The following LRP4 variants were observed in gnomAD, a reference collection of about 807,000 sequenced individuals.
The protein encoded by LRP4 is LDL receptor related protein 4.
In LRP4, 95 loss-of-function variants were observed where a neutral mutation model predicts 220.3. That is an observed-to-expected ratio of 0.43 (90% CI 0.37 to 0.51). LRP4 has a LOEUF of 0.51. LRP4 is among the 20% of genes least tolerant of loss of function. The pLI, the probability that LRP4 is intolerant of heterozygous loss-of-function variation, is 0.00. For synonymous variants in LRP4, 903 were observed against 954.6 expected (o/e 0.95, Z 1.00); for missense variants, 1,925 against 2,567.0 (o/e 0.75, Z 5.40).
At chr11:46,888,548 C>CAAAAAAAAAAAAAAAAAAAAAAAAA (rs71042635) in intron 16 of LRP4, among the ~76,000 whole-genome samples, 1 of 31,312 alleles carries the variant, frequency 3.2e-5, no homozygotes, top group Non-Finnish European at 7.2e-5. Flanking sequence ...AAAACTGTCT[C>CAAAAAAAAAAAAAAAAAAAAAAAAA]AAAAAAAAAA....
intron 1 of LRP4, among the ~76,000 whole-genome samples, chr11:46,907,677 C>T (rs1371216544): frequency 6.6e-6 from 1 of 152,178 alleles, no homozygotes; most frequent in Non-Finnish European, 1.5e-5. Context: ...AGAAGGGAAA[C>T]ATCCATCTGG....
chr11:46,878,807 T>C (rs1941079721), intron 22 of LRP4, 100 bp downstream of exon 22: 1 of 1,544,496 alleles, frequency 6.5e-7, no homozygotes, highest in African/African-American at 1.4e-5. Flanking sequence ...GCAGGACTCA[T>C]GGTTTCTCAG....
intron 17 of LRP4, 34 bp from the exon 18 acceptor site, chr11:46,886,206 A>G (rs1257318379): frequency 6.2e-7 from 1 of 1,600,812 alleles, no homozygotes; most frequent in African/African-American, 1.3e-5. Flanking sequence ...CACCAACTGT[A>G]CTTCCACTCT....
Position 46,865,551 on chromosome 11 carries a change from T to C in LRP4, c.5088-365A>G, listed in dbSNP as rs555208835. On this transcript the variant is annotated intron_variant, in intron 34 of 37. Transcript: ENST00000378623. ...TGCTAGCCAAGCCAATCTGATTGGATAAAAATTATCACAAGAGCTAAATAT... is the reference window on the plus strand; with the variant it reads ...TGCTAGCCAAGCCAATCTGATTGGACAAAAATTATCACAAGAGCTAAATAT... Among the ~76,000 whole-genome samples the C allele has an allele frequency of 4.6e-5, 7 of 152,320 alleles. No homozygotes were observed. In the East Asian group the frequency reaches 9.6e-4, roughly 21 times the overall value.
intron 33 of LRP4, 88 bp downstream of exon 33, chr11:46,868,512 G>C: frequency 1.1e-6 from 1 of 951,264 alleles, no homozygotes; most frequent in Admixed American, 1.7e-5. Context: ...CCACCCAGAA[G>C]GACAGATCAG....
chr11:46,888,354 G>A (rs894666517), intron 16 of LRP4, among the ~76,000 whole-genome samples: 4 of 151,030 alleles, frequency 2.6e-5, no homozygotes, highest in African/African-American at 4.9e-5. Context: ...AGGAGTTCGA[G>A]ACCAGCCAGA....
rs1434051516 is a variant in LRP4 at position 46,886,328 on chromosome 11, C to G, written c.2421G>C (p.Gln807His). The change falls in exon 17 of 38, where the codon CAG becomes CAC. Residue 807 changes from glutamine to histidine, a missense_variant. This residue lies in a region of LRP4 where 1,244 missense variants were observed against 1,624.9 expected (regional missense o/e 0.77). Transcript: ENST00000378623. ...ISRAKWDGTG[Q>H]EVVVDTSLES... ...ACCTCCCCACGCTGGGCCCTACCTC[C>G]TGTCCTGTTCCATCCCACTTGGCCC... 1 of 1,584,920 alleles carries G rather than the reference C, an allele frequency of 6.3e-7. No homozygotes were observed.
intron 1 of LRP4, among the ~76,000 whole-genome samples, chr11:46,911,608 A>AAAAAG (rs60596634): frequency 2.9e-5 from 4 of 140,020 alleles, no homozygotes; most frequent in African/African-American, 1.1e-4. Context: ...AAATAAATAA[A>AAAAAG]TAAATAAAAA....
intron 34 of LRP4, among the ~76,000 whole-genome samples, chr11:46,866,123 C>A (rs1487152416): frequency 9.5e-5 from 14 of 147,996 alleles, no homozygotes; most frequent in African/African-American, 2.5e-4. Context: ...ATAAAGAGAC[C>A]AGTATGTTGC....
chr11:46,876,218 G>A lies in LRP4; in HGVS notation c.3536+248C>T, dbSNP rs1053995936. On this transcript the variant is annotated intron_variant, in intron 25 of 37. Transcript: ENST00000378623. ...CTGAGAATTAGAGAGGTTAAATACC[G>A]GACCCAAGTGATATAGCTAATACAT... 5.3e-5 allele frequency among the ~76,000 whole-genome samples: 8 copies of A among 152,208 alleles called. No individual in the cohort carries two copies. The East Asian group carries it at 7.7e-4, about 15-fold the overall frequency.
chr11:46,856,961 G>A lies in LRP4; in HGVS notation c.*2022C>T, dbSNP rs1281050598. The A allele has an allele frequency of 6.6e-6, 1 of 152,656 alleles. No individual in the cohort carries two copies. The highest frequency in any genetic ancestry group is 2.4e-5 in the African/African-American group (1 of 41,452). The allele number at this position is 152,656 out of a possible 1,614,324, so 9.5% of individuals were successfully genotyped here. On this transcript the variant is annotated 3_prime_UTR_variant, in exon 38 of 38. Transcript: ENST00000378623. This position sits in a 1 kb window ranked among gnomAD's most constrained non-coding sequence, Gnocchi z 4.1. The stretch of plus-strand genomic sequence containing the variant: ...AACTCCAGAAAGTCCAATCTCTCCA[G>A]TGAGTAACGTTAAAACCATTACACA...
At chr11:46,881,650 G>C (rs1459376393) in intron 20 of LRP4, 52 bp downstream of exon 20, 34 of 1,551,330 alleles carry the variant, frequency 2.2e-5, no homozygotes, top group Middle Eastern at 1.9e-4. Context: ...TGTCAAGGCT[G>C]TGGGAAGATG....
chr11:46,917,709 T>C (rs182528354), intron 1 of LRP4, among the ~76,000 whole-genome samples: 142 of 152,234 alleles, frequency 9.3e-4, no homozygotes, highest in African/African-American at 3.2e-3. Context: ...GGAAGCTGAC[T>C]GGCCGCAGCC....
At chr11:46,867,578 C>T (rs1486972011) in intron 34 of LRP4, among the ~76,000 whole-genome samples, 2 of 152,222 alleles carry the variant, frequency 1.3e-5, no homozygotes, top group Non-Finnish European at 2.9e-5. Flanking sequence ...TCTCCTGTCT[C>T]AGCCTCCAGA....
At chr11:46,880,477 A>T (rs1039486347) in intron 20 of LRP4, among the ~76,000 whole-genome samples, 43 of 152,146 alleles carry the variant, frequency 2.8e-4, no homozygotes, top group African/African-American at 1.0e-3. Flanking sequence ...TCAAACCCGT[A>T]GGCTCCTGAG....
chr11:46,910,825 C>T (rs997918874), intron 1 of LRP4, among the ~76,000 whole-genome samples: 15 of 151,992 alleles, frequency 9.9e-5, no homozygotes, highest in South Asian at 2.1e-4. Context: ...AGGTGTGTAC[C>T]GCCACACCCG....
intron 15 of LRP4, 190 bp from the exon 16 acceptor site, chr11:46,889,723 C>T: frequency 1.2e-6 from 1 of 867,152 alleles, no homozygotes; most frequent in South Asian, 1.5e-5. Context: ...AAATGTCTGC[C>T]TGAATTAGAT....
Position 46,873,095 on chromosome 11 carries a change from C to A in LRP4, c.4583+5G>T. On this transcript the variant is annotated splice_donor_5th_base_variant and intron_variant, in intron 30 of 37. Coordinates refer to ENST00000378623, the MANE Select transcript of LRP4 (RefSeq NM_002334.4). This position sits in a 1 kb window ranked among gnomAD's most constrained non-coding sequence, Gnocchi z 4.2. Reference sequence around the variant, plus strand: ...CCAGGAGGCTGTTTGATGCAAGACTCCCACCTGCGGGTATCATAGTCCAGG... The same window carrying A: ...CCAGGAGGCTGTTTGATGCAAGACTACCACCTGCGGGTATCATAGTCCAGG... 1 of 1,614,230 alleles carries A rather than the reference C, an allele frequency of 6.2e-7. No homozygotes were observed. Among genetic ancestry groups the A allele is most frequent in the East Asian group, 2.2e-5 (1 of 44,878 alleles).
rs761736564 is a variant in LRP4, at chr11:46,875,838, C to T, written c.3665G>A (p.Ser1222Asn). The T allele has an allele frequency of 6.8e-6, 11 of 1,613,986 alleles. No individual in the cohort carries two copies. The highest frequency in any genetic ancestry group is 2.2e-5 in the East Asian group (1 of 44,876). Residue 1222 changes from serine (S) to asparagine (N), a missense_variant, in exon 26 of 38, where the codon AGC (serine) becomes AAC (asparagine). Coordinates refer to ENST00000378623, the MANE Select transcript of LRP4 (RefSeq NM_002334.4). This position sits in a 1 kb window ranked among gnomAD's most constrained non-coding sequence, Gnocchi z 4.5. ...WPNGLTVDKA[S>N]SQLLWADAHT... ...GGCATCGGCCCATAGCAGTTGGGAG[C>T]TGGCCTTGTCCACAGTCAGTCCATT...
Sources: allele counts gnomAD v4.1 joint callset (sites outside exome capture counted in the v4.1 genomes callset), GRCh38; gene constraint gnomAD v4.1.1; regional missense constraint gnomAD v4.1.1; non-coding constraint Gnocchi (gnomAD v3.1); transcripts MANE v1.5; gene names NCBI Gene and HGNC (gene_info 2026-07-23, HGNC 2026-07-21).